The following TAFA2 variants were observed in gnomAD, a reference collection of about 807,000 sequenced individuals.
TAFA2 encodes TAFA chemokine like family member 2.
In TAFA2, 7 loss-of-function variants were observed where a neutral mutation model predicts 18.8. That is an observed-to-expected ratio of 0.37 (90% CI 0.21 to 0.70). The LOEUF is 0.70. Ranked by LOEUF, TAFA2 falls within the 30% of genes least tolerant of loss-of-function variation. The pLI, the probability that TAFA2 is intolerant of heterozygous loss-of-function variation, is 0.53. For missense variants in TAFA2, 122 were observed against 158.1 expected (o/e 0.77, Z 1.23); for synonymous variants, 60 against 54.2 (o/e 1.11, Z -0.47).
chr12:62,243,735 T>C (rs778053686), intron 1 of TAFA2, among the ~76,000 whole-genome samples: 1 of 152,180 alleles, frequency 6.6e-6, no homozygotes, highest in Non-Finnish European at 1.5e-5. Context: ...GACACGAAAA[T>C]GTCATTGAAC....
At chr12:61,941,659 G>T (rs1279479174) in intron 1 of TAFA2, among the ~76,000 whole-genome samples, 1 of 152,228 alleles carries the variant, frequency 6.6e-6, no homozygotes, top group Non-Finnish European at 1.5e-5. Flanking sequence ...AGGGGTCAGG[G>T]AGTTCCCTTT....
At chr12:61,906,170 T>G (rs543024847) in intron 1 of TAFA2, among the ~76,000 whole-genome samples, 1 of 152,296 alleles carries the variant, frequency 6.6e-6, no homozygotes, top group South Asian at 2.1e-4. Context: ...CGGTAAGTTA[T>G]GAGGATGATG....
chr12:61,710,460 C>A lies in TAFA2; in HGVS notation c.385-43G>T, dbSNP rs751156582. The A allele has an allele frequency of 4.0e-6, 6 of 1,510,486 alleles. No individual in the cohort carries two copies. In the South Asian group the frequency reaches 5.7e-5, roughly 14 times the overall value. 93.6% of individuals were successfully genotyped at this position (1,510,486 alleles called of 1,614,324 possible). Reference sequence around the variant, plus strand: ...AATATAGTCAACATTTCATAACATACCGATAATCTTAAAACTAAACACAAT... The same window carrying A: ...AATATAGTCAACATTTCATAACATAACGATAATCTTAAAACTAAACACAAT... On this transcript the variant is annotated intron_variant, in intron 4 of 4. Coordinates refer to ENST00000416284, the MANE Select transcript of TAFA2 (RefSeq NM_178539.5).
intron 1 of TAFA2, among the ~76,000 whole-genome samples, chr12:62,133,182 GCA>G (rs1870758929): frequency 6.6e-6 from 1 of 151,890 alleles, no homozygotes; most frequent in Non-Finnish European, 1.5e-5. Context: ...AATTTTCCAT[GCA>G]CACACATTCC....
intron 2 of TAFA2, among the ~76,000 whole-genome samples, chr12:61,861,123 T>A (rs34053266): frequency 6.6e-6 from 1 of 151,980 alleles, no homozygotes; most frequent in African/African-American, 2.4e-5. Flanking sequence ...GCTAATTTTT[T>A]TATTTTTTAG....
chr12:61,875,201 C>T (rs1874789739), intron 1 of TAFA2, among the ~76,000 whole-genome samples: 1 of 151,918 alleles, frequency 6.6e-6, no homozygotes, highest in South Asian at 2.1e-4. Flanking sequence ...TTCTCACGTG[C>T]CCTGTTGAGG....
At chr12:61,760,274 T>C (rs1284115834) in intron 2 of TAFA2, among the ~76,000 whole-genome samples, 2 of 149,622 alleles carry the variant, frequency 1.3e-5, no homozygotes, top group Admixed American at 6.7e-5. Context: ...TAGCTAAATA[T>C]ATAAATGAAA....
intron 2 of TAFA2, among the ~76,000 whole-genome samples, chr12:61,799,778 C>T (rs1330105255): frequency 2.0e-5 from 3 of 152,002 alleles, no homozygotes; most frequent in Admixed American, 6.6e-5. Context: ...GCCGAGATTG[C>T]GCCACTGCAC....
chr12:62,005,289 A>G (rs73312237), intron 1 of TAFA2, among the ~76,000 whole-genome samples: 20,109 of 152,072 alleles, frequency 0.13, 1,608 homozygotes, highest in African/African-American at 0.21. Flanking sequence ...ATTATGCAAT[A>G]TACCATATAT....
At chr12:61,759,000 A>G (rs1032695987) in intron 2 of TAFA2, among the ~76,000 whole-genome samples, 3 of 151,972 alleles carry the variant, frequency 2.0e-5, no homozygotes, top group Admixed American at 6.6e-5. Context: ...TCATGGTCCT[A>G]TAACAGCCAG....
intron 2 of TAFA2, among the ~76,000 whole-genome samples, chr12:61,862,306 C>G (rs1427099493): frequency 6.6e-6 from 1 of 152,124 alleles, no homozygotes; most frequent in Non-Finnish European, 1.5e-5. Context: ...ATGCCCAGCT[C>G]AATATAATTG....
chr12:61,988,379 T>G (rs547668084), intron 1 of TAFA2, among the ~76,000 whole-genome samples: 1 of 152,264 alleles, frequency 6.6e-6, no homozygotes, highest in South Asian at 2.1e-4. Context: ...ATAAAATAGT[T>G]AATAATTAAA....
At chr12:61,861,880 C>G (rs1874144950) in intron 2 of TAFA2, among the ~76,000 whole-genome samples, 1 of 152,112 alleles carries the variant, frequency 6.6e-6, no homozygotes, top group Non-Finnish European at 1.5e-5. Flanking sequence ...TCCATTCAAT[C>G]AAAAGTTCTC....
chr12:61,784,020 T>C (rs35785062), intron 2 of TAFA2, among the ~76,000 whole-genome samples: 42,523 of 151,376 alleles, frequency 0.28, 6,673 homozygotes, highest in South Asian at 0.4. Context: ...AAAAACAGCA[T>C]GGCTACTTTA....
intron 1 of TAFA2, among the ~76,000 whole-genome samples, chr12:62,031,626 G>T (rs1377028116): frequency 6.6e-6 from 1 of 152,192 alleles, no homozygotes; most frequent in East Asian, 1.9e-4. Context: ...CTTGAAGGCA[G>T]ACAAAGTCAA....
chr12:62,106,918 C>T (rs1391570634), intron 1 of TAFA2, among the ~76,000 whole-genome samples: 1 of 151,990 alleles, frequency 6.6e-6, no homozygotes, highest in Admixed American at 6.6e-5. Context: ...GCACAGTCTT[C>T]GAAGAAATGA....
chr12:61,938,123 A>G lies in TAFA2; in HGVS notation c.-1-70697T>C, dbSNP rs544276293. Among the ~76,000 whole-genome samples, 141 of 151,442 alleles carry G rather than the reference A, an allele frequency of 9.3e-4. 1 individual carries two copies. The highest frequency in any genetic ancestry group is 3.3e-3 in the African/African-American group (137 of 41,416). On this transcript the variant is annotated intron_variant, in intron 1 of 4. Transcript: ENST00000416284. ...TGAGATACCACCTTACCCTGTATGA[A>G]TGGCCATTATTGCAAAGATAAAATA...
chr12:61,896,753 T>A (rs1875862375), intron 1 of TAFA2, among the ~76,000 whole-genome samples: 1 of 152,204 alleles, frequency 6.6e-6, no homozygotes, highest in Non-Finnish European at 1.5e-5. Flanking sequence ...CTGAACAACA[T>A]GTCACATTGT....
chr12:61,983,950 G>A (rs779864888), intron 1 of TAFA2, among the ~76,000 whole-genome samples: 8 of 151,928 alleles, frequency 5.3e-5, no homozygotes, highest in Non-Finnish European at 7.4e-5. Context: ...AGATCACATC[G>A]CTCATTCTCT....
Sources: allele counts gnomAD v4.1 joint callset (sites outside exome capture counted in the v4.1 genomes callset), GRCh38; gene constraint gnomAD v4.1.1; transcripts MANE v1.5; gene names NCBI Gene and HGNC (gene_info 2026-07-23, HGNC 2026-07-21).